The following CDK5RAP1 variants were observed in gnomAD, a reference collection of about 807,000 sequenced individuals.
The protein encoded by CDK5RAP1 is CDK5RAP1 mitochondrial tRNA methylthiotransferase.
CDK5RAP1 carries 62 observed loss-of-function variants against 64.5 expected under a neutral mutation model. That is an observed-to-expected ratio of 0.96 (90% confidence interval 0.78 to 1.19). The LOEUF (loss-of-function observed/expected upper bound fraction) is 1.19. Among genes scored for constraint, CDK5RAP1 ranks in the 50% most tolerant of loss-of-function variants. CDK5RAP1 has a pLI of 0.00. For missense variants in CDK5RAP1, 657 were observed against 735.0 expected (o/e 0.89, Z 1.23); for synonymous variants, 250 against 261.9 (o/e 0.95, Z 0.44).
chr20:33,395,504 G>A (rs922814994), intron 2 of CDK5RAP1, among the ~76,000 whole-genome samples: 1 of 152,132 alleles, frequency 6.6e-6, no homozygotes, highest in African/African-American at 2.4e-5. Context: ...TCAGGAGGCT[G>A]AGGTAGAACT....
chr20:33,366,155 C>T (rs1983890887), intron 12 of CDK5RAP1, among the ~76,000 whole-genome samples: 1 of 151,746 alleles, frequency 6.6e-6, no homozygotes, highest in Non-Finnish European at 1.5e-5. Flanking sequence ...CCTGTCTCTA[C>T]TAAAAATACA....
intron 9 of CDK5RAP1, 105 bp from the exon 10 acceptor site, chr20:33,372,802 C>T: frequency 1.3e-6 from 1 of 755,944 alleles, no homozygotes; most frequent in Non-Finnish European, 2.3e-6. Context: ...CACTTCTCAT[C>T]CACATGGCAG....
At chr20:33,374,864 AT>A (rs766097038) in intron 8 of CDK5RAP1, among the ~76,000 whole-genome samples, 2 of 151,282 alleles carry the variant, frequency 1.3e-5, no homozygotes, top group Admixed American at 6.6e-5. Context: ...CAAACTAGTC[AT>A]TTTTAAAGAT....
chr20:33,387,421 C>G lies in CDK5RAP1; in HGVS notation c.657G>C (p.Glu219Asp). ...RDLPRLLAVA[E>D]SGQQAANVLL... is the part of the protein sequence containing the mutation. ...GCACGTTGGCAGCTTGCTGGCCCGA[C>G]TCAGCAACAGCCAGCAGCCGGGGAA... is the stretch of plus-strand genomic sequence containing the variant. Residue 219 changes from glutamate to aspartate, a missense_variant, in exon 6 of 14, where the codon GAG becomes GAC. Coordinates refer to ENST00000346416, the MANE Select transcript of CDK5RAP1 (RefSeq NM_016408.4). 3 of 1,614,130 alleles carry G rather than the reference C, an allele frequency of 1.9e-6. No homozygotes were observed.
intron 11 of CDK5RAP1, among the ~76,000 whole-genome samples, chr20:33,368,769 G>A (rs1984474495): frequency 1.3e-5 from 2 of 152,106 alleles, no homozygotes; most frequent in African/African-American, 4.8e-5. Context: ...TACTCGGGAG[G>A]CTGAGGCAGG....
At position 33,368,859 on chromosome 20, in the gene CDK5RAP1, G is replaced by C. The variant is rs139087339; in HGVS notation, c.1392+1640C>G. Reference sequence around the variant, plus strand: ...GCACTTCAGCCTGGGCAACAAGAGCGAGACTCCGTCTCAAAAAATAAAAAA... The same window carrying C: ...GCACTTCAGCCTGGGCAACAAGAGCCAGACTCCGTCTCAAAAAATAAAAAA... On this transcript the variant is annotated intron_variant, in intron 11 of 13. Coordinates refer to ENST00000346416, the MANE Select transcript of CDK5RAP1 (RefSeq NM_016408.4). Among the ~76,000 whole-genome samples, 61 of 152,052 alleles carry C rather than the reference G, an allele frequency of 4.0e-4. No individual in the cohort carries two copies. In the East Asian group the frequency reaches 0.012, roughly 29 times the overall value.
At chr20:33,396,613 T>A in intron 2 of CDK5RAP1, 148 bp downstream of exon 2, 1 of 699,218 alleles carries the variant, frequency 1.4e-6, no homozygotes, top group South Asian at 1.8e-5. Context: ...TTTCTTGATA[T>A]TAATATTACT....
rs752182144 is a variant in CDK5RAP1 at position 33,372,671 on chromosome 20, A to G, written c.1232T>C (p.Leu411Ser). The change falls in exon 10 of 14, where the codon TTA becomes TCA. Residue 411 changes from leucine to serine, a missense_variant. Physicochemically the swap from Leu to Ser is moderately radical, Grantham distance 145. Coordinates refer to ENST00000346416, the MANE Select transcript of CDK5RAP1 (RefSeq NM_016408.4). ...RGYSREAYVELVHHIRESIPG... is the reference protein window; with the variant it reads ...RGYSREAYVESVHHIRESIPG... ...AATAGATTCTCTAATATGGTGAACT[A>G]ACTCCACATAAGCTTCTCTTGAATA... 6.3e-7 allele frequency: 1 copy of G among 1,577,266 alleles called. No individual in the cohort carries two copies. The highest frequency in any genetic ancestry group is 1.2e-5 in the South Asian group (1 of 85,290).
At chr20:33,391,916 A>C (rs1988369143) in intron 5 of CDK5RAP1, among the ~76,000 whole-genome samples, 3 of 152,206 alleles carry the variant, frequency 2.0e-5, no homozygotes, top group Non-Finnish European at 4.4e-5. Flanking sequence ...TCTAGGCAGG[A>C]TATACCACTT....
chr20:33,363,561 C>T (rs1289074436), intron 12 of CDK5RAP1, among the ~76,000 whole-genome samples: 1 of 152,036 alleles, frequency 6.6e-6, no homozygotes, highest in Non-Finnish European at 1.5e-5. Flanking sequence ...CTTGGAACTT[C>T]TCTATGGGTT....
chr20:33,382,019 T>C (rs1226580952), intron 7 of CDK5RAP1, among the ~76,000 whole-genome samples: 1 of 152,124 alleles, frequency 6.6e-6, no homozygotes, highest in Non-Finnish European at 1.5e-5. Flanking sequence ...TTGTTTGTTT[T>C]GTAATAGAGA....
intron 12 of CDK5RAP1, among the ~76,000 whole-genome samples, chr20:33,364,120 T>G (rs565540463): frequency 6.6e-6 from 1 of 152,230 alleles, no homozygotes; most frequent in East Asian, 1.9e-4. Context: ...TAATAGCATT[T>G]TGTTTATAAT....
chr20:33,386,682 T>C (rs1413575458), intron 6 of CDK5RAP1, among the ~76,000 whole-genome samples: 1 of 151,894 alleles, frequency 6.6e-6, no homozygotes. Flanking sequence ...TGAAGAATTA[T>C]GTAATAAATG....
In CDK5RAP1 at chr20:33,385,639, G is replaced by C; in HGVS notation, c.876+11C>G. 6.2e-7 allele frequency: 1 copy of C among 1,613,696 alleles called. No homozygotes were observed. The highest frequency in any genetic ancestry group is 1.1e-5 in the South Asian group (1 of 91,008). On this transcript the variant is annotated intron_variant, in intron 7 of 13. Coordinates refer to ENST00000346416, the MANE Select transcript of CDK5RAP1 (RefSeq NM_016408.4). ...CATGTTCACAGCAAGAAAGCCTGGA[G>C]AACTCTTCACCTGCTCAGAAAGCTT...
At chr20:33,400,133 C>T (rs1359091308) in intron 1 of CDK5RAP1, among the ~76,000 whole-genome samples, 7 of 152,374 alleles carry the variant, frequency 4.6e-5, no homozygotes, top group Admixed American at 2.6e-4. Context: ...AAACTAATTC[C>T]GTGGCCAATC....
At chr20:33,375,401 C>CA (rs200212971) in intron 8 of CDK5RAP1, among the ~76,000 whole-genome samples, 3,394 of 56,746 alleles carry the variant, frequency 0.06, 132 homozygotes, top group African/African-American at 0.16. Flanking sequence ...GACTCCATCT[C>CA]AAAAAAAAAA....
rs952356660 is a variant in CDK5RAP1, at chr20:33,392,236, C to T, written c.450G>A (p.Lys150=). ...AACGGTTCCAGATGGTCTGCTCAGC[C>T]TTCTCCCTAGAGAGATCAAAGGAGG... ...ILLVTCSIRE[K]AEQTIWNRLH... The change falls in exon 5 of 14, where the codon AAG becomes AAA. Residue 150 remains lysine (K), a synonymous_variant. Coordinates refer to ENST00000346416, the MANE Select transcript of CDK5RAP1 (RefSeq NM_016408.4). 1 of 1,611,862 alleles carries T rather than the reference C, an allele frequency of 6.2e-7. No individual in the cohort carries two copies. The highest frequency in any genetic ancestry group is 1.3e-5 in the African/African-American group (1 of 74,988).
intron 1 of CDK5RAP1, among the ~76,000 whole-genome samples, chr20:33,397,865 GC>G (rs1462718410): frequency 6.6e-6 from 1 of 152,074 alleles, no homozygotes; most frequent in African/African-American, 2.4e-5. Flanking sequence ...GGTAGCAAGT[GC>G]CTATAGTCCC....
At chr20:33,368,498 G>T (rs976651834) in intron 11 of CDK5RAP1, among the ~76,000 whole-genome samples, 1 of 117,102 alleles carries the variant, frequency 8.5e-6, no homozygotes, top group African/African-American at 3.3e-5. Context: ...TGGTAGAGAA[G>T]GGTCTCCCTA....
Sources: allele counts gnomAD v4.1 joint callset (sites outside exome capture counted in the v4.1 genomes callset), GRCh38; gene constraint gnomAD v4.1.1; transcripts MANE v1.5; gene names NCBI Gene and HGNC (gene_info 2026-07-23, HGNC 2026-07-21).